SLC24A4: variants seen among roughly 807,000 people sequenced by gnomAD.
The protein encoded by SLC24A4 is sodium/potassium/calcium exchanger 4.
In SLC24A4, 53 loss-of-function variants were observed where a neutral mutation model predicts 79.0. The ratio of observed to expected loss-of-function variants is 0.67; its 90% CI spans 0.54 to 0.84. SLC24A4 has a LOEUF of 0.84. SLC24A4 is among the 40% of genes least tolerant of loss of function. SLC24A4 has a pLI of 0.00. For missense variants in SLC24A4, 731 were observed against 822.0 expected (o/e 0.89, Z 1.35); for synonymous variants, 323 against 323.8 (o/e 1.00, Z 0.03).
intron 2 of SLC24A4, among the ~76,000 whole-genome samples, chr14:92,343,713 CT>C (rs1595140836): frequency 7.0e-6 from 1 of 143,424 alleles, no homozygotes; most frequent in African/African-American, 2.7e-5. Flanking sequence ...TTCTTTCTTT[CT>C]TTTTTTGAGA....
At chr14:92,487,991 C>A (rs145568501) in intron 14 of SLC24A4, among the ~76,000 whole-genome samples, 2,822 of 150,668 alleles carry the variant, frequency 0.019, 83 homozygotes, top group Admixed American at 0.078. Context: ...TCCTCCTCCT[C>A]CTCCTCTCGC....
chr14:92,367,670 C>CGG (rs1217912325), intron 2 of SLC24A4, among the ~76,000 whole-genome samples: 1 of 152,200 alleles, frequency 6.6e-6, no homozygotes, highest in Admixed American at 6.5e-5. Flanking sequence ...AGGAAAGGAT[C>CGG]GGGGTGGCTC....
chr14:92,328,326 T>G lies in SLC24A4; in HGVS notation c.241+2348T>G, dbSNP rs1361966079. 4.6e-5 allele frequency among the ~76,000 whole-genome samples: 7 copies of G among 152,190 alleles called. 1 individual carries two copies. The highest frequency in any genetic ancestry group is 1.0e-4 in the Non-Finnish European group (7 of 68,026). On this transcript the variant is annotated intron_variant, in intron 2 of 16. Coordinates refer to ENST00000532405, the MANE Select transcript of SLC24A4 (RefSeq NM_153646.4). ...TGCAAGCCGCTGTCATTGAGTAGCT[T>G]ATACTAGAGTAGAGAGGACAAGATC...
chr14:92,383,417 A>G (rs1303632605), intron 2 of SLC24A4, among the ~76,000 whole-genome samples: 6 of 151,958 alleles, frequency 3.9e-5, no homozygotes, highest in Non-Finnish European at 8.8e-5. Flanking sequence ...GAGGCTTTGC[A>G]TGTGCTGCGC....
chr14:92,404,790 C>T (rs1005973610), intron 2 of SLC24A4, among the ~76,000 whole-genome samples: 3 of 152,140 alleles, frequency 2.0e-5, no homozygotes, highest in Non-Finnish European at 4.4e-5. Context: ...AATATTTGTA[C>T]GTTCTCTCCA....
chr14:92,486,814 A>T (rs1393475350), intron 14 of SLC24A4, 34 bp downstream of exon 14: 17 of 1,497,384 alleles, frequency 1.1e-5, no homozygotes, highest in Non-Finnish European at 1.6e-5. Flanking sequence ...ATAGTCATGC[A>T]GTGCAGGCCA....
At position 92,371,061 on chromosome 14, in the gene SLC24A4, G is replaced by A. The variant is rs141599472; in HGVS notation, c.241+45083G>A. Among the ~76,000 whole-genome samples, 71 of 152,240 alleles carry A rather than the reference G, an allele frequency of 4.7e-4. No homozygotes were observed. The East Asian group carries it at 9.1e-3, about 19-fold the overall frequency. On this transcript the variant is annotated intron_variant, in intron 2 of 16. Coordinates refer to ENST00000532405, the MANE Select transcript of SLC24A4 (RefSeq NM_153646.4). ...CAGATAGTAAGGACAAAAAGTTCCCGGCAAAACTTTCCTTCTAATAAAAAG... is the reference window on the plus strand; with the variant it reads ...CAGATAGTAAGGACAAAAAGTTCCCAGCAAAACTTTCCTTCTAATAAAAAG...
At chr14:92,331,762 A>AT (rs1291670558) in intron 2 of SLC24A4, among the ~76,000 whole-genome samples, 3 of 152,200 alleles carry the variant, frequency 2.0e-5, no homozygotes, top group Non-Finnish European at 1.5e-5. Context: ...TTCTATGTGG[A>AT]TTTTTTTCTG....
At chr14:92,414,327 G>A (rs1890870767) in intron 2 of SLC24A4, among the ~76,000 whole-genome samples, 1 of 152,036 alleles carries the variant, frequency 6.6e-6, no homozygotes, top group African/African-American at 2.4e-5. Flanking sequence ...GGGTGAGGGG[G>A]ACAATCACCC....
At chr14:92,344,510 T>C (rs1886410998) in intron 2 of SLC24A4, among the ~76,000 whole-genome samples, 1 of 152,174 alleles carries the variant, frequency 6.6e-6, no homozygotes, top group African/African-American at 2.4e-5. Flanking sequence ...CTAGGGAGTT[T>C]GCATTTTTTA....
chr14:92,410,826 G>T (rs1890669512), intron 2 of SLC24A4, among the ~76,000 whole-genome samples: 1 of 152,202 alleles, frequency 6.6e-6, no homozygotes, highest in Non-Finnish European at 1.5e-5. Flanking sequence ...TGAAGGTGTG[G>T]AGTGCCTCTC....
Position 92,482,402 on chromosome 14 carries a change from G to C in SLC24A4, c.1256-278G>C, listed in dbSNP as rs140166807. ...CACATCCCCATTCCAGCTCCTCTGG[G>C]TGAGTCTGTTCCCCCTCAGCCTCAC... On this transcript the variant is annotated intron_variant, in intron 12 of 16. Coordinates refer to ENST00000532405, the MANE Select transcript of SLC24A4 (RefSeq NM_153646.4). 0.029 allele frequency among the ~76,000 whole-genome samples: 4,374 copies of C among 152,266 alleles called. 83 individuals are homozygous for C. The highest frequency in any genetic ancestry group is 0.04 in the Non-Finnish European group (2,737 of 68,022).
intron 9 of SLC24A4, among the ~76,000 whole-genome samples, 183 bp downstream of exon 9, chr14:92,447,607 C>T (rs1444377890): frequency 3.3e-5 from 5 of 152,194 alleles, no homozygotes; most frequent in East Asian, 3.9e-4. Flanking sequence ...GATGCTGTTC[C>T]GGGGGTGCCG....
chr14:92,470,967 G>T (rs1418602290), intron 12 of SLC24A4, among the ~76,000 whole-genome samples: 1 of 152,158 alleles, frequency 6.6e-6, no homozygotes, highest in African/African-American at 2.4e-5. Context: ...CTTTCCCCTG[G>T]GTTGGTTTTA....
intron 10 of SLC24A4, chr14:92,453,157 C>T (rs1893248600): frequency 6.6e-6 from 1 of 152,204 alleles, no homozygotes; most frequent in Non-Finnish European, 1.5e-5. Context: ...GAGTTTTGTT[C>T]CTCCCCATTG....
intron 10 of SLC24A4, chr14:92,453,156 T>A (rs1893248392): frequency 6.6e-6 from 1 of 152,224 alleles, no homozygotes; most frequent in African/African-American, 2.4e-5. Context: ...GGAGTTTTGT[T>A]CCTCCCCATT....
In SLC24A4 at chr14:92,496,676, C is replaced by T. The variant is rs143138966; in HGVS notation, c.*3048C>T. The T allele has an allele frequency of 6.3e-3, 953 of 152,274 alleles. 5 individuals are homozygous for T. Among genetic ancestry groups the T allele is most frequent in the Non-Finnish European group, 9.6e-3 (650 of 68,024 alleles). 9.4% of individuals were successfully genotyped at this position (152,274 alleles called of 1,614,324 possible). Reference sequence around the variant, plus strand: ...ATGAGAGACTGGTGATTAAGGGCACCGTGGGCAGGACACAGTCCTCGCCTT... The same window carrying T: ...ATGAGAGACTGGTGATTAAGGGCACTGTGGGCAGGACACAGTCCTCGCCTT... On this transcript the variant is annotated 3_prime_UTR_variant, in exon 17 of 17. Transcript: ENST00000532405.
chr14:92,359,235 C>T (rs1369247094), intron 2 of SLC24A4, among the ~76,000 whole-genome samples: 1 of 152,082 alleles, frequency 6.6e-6, no homozygotes, highest in Non-Finnish European at 1.5e-5. Context: ...CTCCCCCAAC[C>T]CCAATCCACT....
intron 2 of SLC24A4, among the ~76,000 whole-genome samples, chr14:92,397,870 G>C (rs147017442): frequency 2.6e-5 from 4 of 152,208 alleles, no homozygotes; most frequent in Non-Finnish European, 5.9e-5. Context: ...AGAAGCAAAT[G>C]ACATACTGAT....
Sources: allele counts gnomAD v4.1 joint callset (sites outside exome capture counted in the v4.1 genomes callset), GRCh38; gene constraint gnomAD v4.1.1; transcripts MANE v1.5; gene names NCBI Gene and HGNC (gene_info 2026-07-23, HGNC 2026-07-21).